NUSAP1: variants seen among roughly 807,000 people sequenced by gnomAD.
NUSAP1 encodes nucleolar and spindle associated protein 1, also known as nucleolar and spindle-associated protein 1.
In NUSAP1, 32 loss-of-function variants were observed where a neutral mutation model predicts 52.8. That is an observed-to-expected ratio of 0.61 (90% CI 0.46 to 0.81). NUSAP1 has a LOEUF of 0.81. NUSAP1 is among the 40% of genes least tolerant of loss of function. The pLI is 0.00. For missense variants in NUSAP1, 499 were observed against 522.3 expected (o/e 0.96, Z 0.43); for synonymous variants, 195 against 183.1 (o/e 1.06, Z -0.52).
intron 2 of NUSAP1, among the ~76,000 whole-genome samples, chr15:41,346,818 C>T (rs953327367): frequency 1.4e-5 from 2 of 142,446 alleles, no homozygotes; most frequent in East Asian, 2.1e-4. Flanking sequence ...CAGAGCCAGA[C>T]CCCGTCTCAA....
rs576592851 is a variant in NUSAP1, at chr15:41,375,836, G to A, written c.1123+8G>A. ...ACTATGAACCACACAAAGGTATGTG[G>A]GAGTGTTTTGAGCTACAGGGCCTGT... On this transcript the variant is annotated splice_region_variant and intron_variant, in intron 9 of 10. Coordinates refer to ENST00000559596, the MANE Select transcript of NUSAP1 (RefSeq NM_016359.5). 1.9e-6 allele frequency: 3 copies of A among 1,576,278 alleles called. No individual in the cohort carries two copies. The highest frequency in any genetic ancestry group is 4.5e-5 in the East Asian group (2 of 44,666).
chr15:41,341,283 C>T (rs531375231), intron 1 of NUSAP1, among the ~76,000 whole-genome samples: 2 of 152,208 alleles, frequency 1.3e-5, no homozygotes, highest in African/African-American at 4.8e-5. Flanking sequence ...CCAGGCTGGT[C>T]TAAAACCCCT....
rs1256687363 is a variant in NUSAP1 at position 41,354,751 on chromosome 15, G to T, written c.449-1288G>T. On this transcript the variant is annotated intron_variant, in intron 4 of 10. Coordinates refer to ENST00000559596, the MANE Select transcript of NUSAP1 (RefSeq NM_016359.5). ...GACGGGGTCAGGGCAGGGCGCGGTGGCTCACTCCTGTAATCCCAGCACTTT... is the reference window on the plus strand; with the variant it reads ...GACGGGGTCAGGGCAGGGCGCGGTGTCTCACTCCTGTAATCCCAGCACTTT... Among the ~76,000 whole-genome samples the T allele has an allele frequency of 7.3e-5, 11 of 151,326 alleles. No homozygotes were observed. In the South Asian group the frequency reaches 2.1e-3, roughly 29 times the overall value.
At chr15:41,380,044 T>A (rs1401567816) in intron 10 of NUSAP1, 49 bp from the exon 11 acceptor site, 1 of 1,347,964 alleles carries the variant, frequency 7.4e-7, no homozygotes, top group South Asian at 1.3e-5. Context: ...CTTTAAAGTA[T>A]CTGTTTTGGA....
chr15:41,362,820 G>A (rs921034992), intron 6 of NUSAP1, among the ~76,000 whole-genome samples: 1 of 151,880 alleles, frequency 6.6e-6, no homozygotes, highest in Non-Finnish European at 1.5e-5. Flanking sequence ...TCCTTTTAAG[G>A]CTTACTTTTT....
chr15:41,364,026 C>G (rs933004895), intron 6 of NUSAP1, among the ~76,000 whole-genome samples: 3 of 151,978 alleles, frequency 2.0e-5, no homozygotes, highest in Non-Finnish European at 1.5e-5. Flanking sequence ...GAGACAAGAT[C>G]TCCTAATGTT....
At chr15:41,335,698 G>A (rs2048097877) in intron 1 of NUSAP1, among the ~76,000 whole-genome samples, 1 of 140,644 alleles carries the variant, frequency 7.1e-6, no homozygotes, top group African/African-American at 2.6e-5. Context: ...TAGTATGTAT[G>A]TTTAGTATAA....
chr15:41,337,553 A>G (rs1309267084), intron 1 of NUSAP1, among the ~76,000 whole-genome samples: 1 of 152,198 alleles, frequency 6.6e-6, no homozygotes, highest in Non-Finnish European at 1.5e-5. Flanking sequence ...AAAATAAAAA[A>G]GCCAAAATCC....
chr15:41,375,884 C>T (rs1413229652), intron 9 of NUSAP1, 56 bp downstream of exon 9: 11 of 1,213,004 alleles, frequency 9.1e-6, no homozygotes, highest in East Asian at 2.3e-5. Flanking sequence ...ATTGGTGGGA[C>T]GCAGTGGCTC....
At chr15:41,375,528 G>T (rs1157586511) in intron 8 of NUSAP1, among the ~76,000 whole-genome samples, 184 bp from the exon 9 acceptor site, 3 of 151,972 alleles carry the variant, frequency 2.0e-5, no homozygotes, top group African/African-American at 7.3e-5. Context: ...GGTCAGGATG[G>T]TCTTGATCTC....
chr15:41,345,285 G>A (rs2048522610), intron 2 of NUSAP1, among the ~76,000 whole-genome samples: 1 of 151,484 alleles, frequency 6.6e-6, no homozygotes, highest in African/African-American at 2.4e-5. Context: ...CAGACGCTCT[G>A]CCAGTTTCTC....
chr15:41,374,684 C>G (rs530501203), intron 8 of NUSAP1, among the ~76,000 whole-genome samples: 1 of 151,888 alleles, frequency 6.6e-6, no homozygotes, highest in Non-Finnish European at 1.5e-5. Context: ...CACGCTGCCA[C>G]GCCTAGCTAA....
At chr15:41,366,128 G>A (rs1178340870) in intron 7 of NUSAP1, among the ~76,000 whole-genome samples, 1 of 151,954 alleles carries the variant, frequency 6.6e-6, no homozygotes, top group Admixed American at 6.6e-5. Flanking sequence ...CCTCCTTCTA[G>A]CTGTTTGAAA....
chr15:41,372,187 T>C lies in NUSAP1; in HGVS notation c.1006+503T>C, dbSNP rs573312208. Among the ~76,000 whole-genome samples the C allele has an allele frequency of 1.5e-3, 236 of 152,266 alleles. 3 individuals carry two copies. The highest frequency in any genetic ancestry group is 0.014 in the Middle Eastern group (4 of 294). On this transcript the variant is annotated intron_variant, in intron 8 of 10. Coordinates refer to ENST00000559596, the MANE Select transcript of NUSAP1 (RefSeq NM_016359.5). ...CAGAGACATAAGCAAAAACCAGATA[T>C]CTGCCTGAGAGCTCCATCTAATCCT...
At chr15:41,335,712 T>C (rs2048098587) in intron 1 of NUSAP1, among the ~76,000 whole-genome samples, 1 of 142,982 alleles carries the variant, frequency 7.0e-6, no homozygotes, top group East Asian at 2.0e-4. Context: ...AGTATAAATA[T>C]ACTAAATATA....
At chr15:41,354,862 CA>C (rs1053490260) in intron 4 of NUSAP1, among the ~76,000 whole-genome samples, 1 of 149,198 alleles carries the variant, frequency 6.7e-6, no homozygotes. Context: ...ACTAAAAATA[CA>C]AAAAAAATTA....
chr15:41,336,976 C>T (rs1186081855), intron 1 of NUSAP1, among the ~76,000 whole-genome samples: 2 of 151,116 alleles, frequency 1.3e-5, no homozygotes, highest in African/African-American at 4.9e-5. Context: ...CACCAAATCC[C>T]CCCCTTTTTT....
rs1034130325 is a variant in NUSAP1 at position 41,377,296 on chromosome 15, C to G, written c.1224C>G (p.Leu408=). The G allele has an allele frequency of 1.6e-5, 23 of 1,456,658 alleles. No homozygotes were observed. In the African/African-American group the frequency reaches 2.6e-4, roughly 16 times the overall value. 90.2% of individuals were successfully genotyped at this position (1,456,658 alleles called of 1,614,324 possible). A position where few individuals can be genotyped will look rare whatever the true frequency, so the allele number is the denominator to read the frequency against. Residue 408 remains leucine (L), a synonymous_variant, in exon 10 of 11, where the codon CTC becomes CTG. Coordinates refer to ENST00000559596, the MANE Select transcript of NUSAP1 (RefSeq NM_016359.5). ...AGAAAACTTACAAACAACCCCATCT[C>G]CAGACAAAGTAAGTACATAATTATC... ...FYKKTYKQPH[L]QTKEEQRKKR...
intron 4 of NUSAP1, among the ~76,000 whole-genome samples, chr15:41,355,479 T>C (rs1454019821): frequency 6.6e-6 from 1 of 150,746 alleles, no homozygotes; most frequent in Non-Finnish European, 1.5e-5. Flanking sequence ...TGACCAACTT[T>C]CTAATATGTT....
Sources: allele counts gnomAD v4.1 joint callset (sites outside exome capture counted in the v4.1 genomes callset), GRCh38; gene constraint gnomAD v4.1.1; transcripts MANE v1.5; gene names NCBI Gene and HGNC (gene_info 2026-07-23, HGNC 2026-07-21).